MAP3K19: variants seen among roughly 807,000 people sequenced by gnomAD.
The protein encoded by MAP3K19 is mitogen-activated protein kinase kinase kinase 19.
Under a neutral mutation model 114.4 loss-of-function variants are expected in MAP3K19, and 91 were observed. The ratio of observed to expected loss-of-function variants is 0.80; its 90% CI spans 0.67 to 0.95. MAP3K19 has a LOEUF of 0.95. Ranked by LOEUF, MAP3K19 falls within the 40% of genes least tolerant of loss-of-function variation. MAP3K19 has a pLI of 0.00. For missense variants in MAP3K19, 1,471 were observed against 1,573.2 expected, an observed-to-expected ratio of 0.94 and a Z score of 1.10; for synonymous variants, 518 against 530.5, an observed-to-expected ratio of 0.98 and a Z score of 0.32.
rs58597332 is a variant in MAP3K19 at position 135,027,329 on chromosome 2, T to TAAAG, written c.-94-2592_-94-2589dup. 8.1e-4 allele frequency among the ~76,000 whole-genome samples: 80 copies of TAAAG among 98,740 alleles called. 1 individual carries two copies. Among genetic ancestry groups the TAAAG allele is most frequent in the Admixed American group, 1.8e-3 (18 of 9,904 alleles). 64.8% of individuals were successfully genotyped at this position (98,740 alleles called of 152,430 possible). ...GAGGGAAAAGAAAGAGACAGAGAAA[T>TAAAG]AAAGAAAGAAAGAAAGAAAGAGAGA... On this transcript the variant is annotated intron_variant, in intron 3 of 12. Transcript: ENST00000392915.
At chr2:135,037,578 C>T (rs920562112) in intron 2 of MAP3K19, among the ~76,000 whole-genome samples, 1 of 152,016 alleles carries the variant, frequency 6.6e-6, no homozygotes, top group African/African-American at 2.4e-5. Flanking sequence ...TGTTAGGAGG[C>T]ATGTCTCCAT....
Position 135,020,066 on chromosome 2 carries a change from G to A in MAP3K19, c.138+1649C>T, listed in dbSNP as rs551054277. On this transcript the variant is annotated intron_variant, in intron 5 of 12. Coordinates refer to ENST00000392915, the MANE Select transcript of MAP3K19 (RefSeq NM_025052.5). ...GAGTTTCGCTCTTATTGCCCAGGCTGGAGTGCAATGGCACAATCTTGGCTC... is the reference window on the plus strand; with the variant it reads ...GAGTTTCGCTCTTATTGCCCAGGCTAGAGTGCAATGGCACAATCTTGGCTC... Among the ~76,000 whole-genome samples the A allele has an allele frequency of 4.9e-3, 738 of 151,902 alleles. 3 individuals carry two copies. Among genetic ancestry groups the A allele is most frequent in the Non-Finnish European group, 7.6e-3 (520 of 67,988 alleles).
rs1408962620 is a variant in MAP3K19, at chr2:134,986,161, G to A, written c.2711C>T (p.Thr904Ile). Residue 904 changes from threonine (T) to isoleucine (I), a missense_variant, in exon 10 of 13, where the codon ACA (threonine) becomes ATA (isoleucine). Coordinates refer to ENST00000392915, the MANE Select transcript of MAP3K19 (RefSeq NM_025052.5). ...DSVSDHSKTL[T>I]NFSFQAKQES... ...TTGTTTTGCTTGGAAAGAGAAATTTGTAAGTGTTTTAGAGTGATCTGAAAC... is the reference window on the plus strand; with the variant it reads ...TTGTTTTGCTTGGAAAGAGAAATTTATAAGTGTTTTAGAGTGATCTGAAAC... 6.2e-7 allele frequency: 1 copy of A among 1,613,782 alleles called. No homozygotes were observed. The highest frequency in any genetic ancestry group is 8.5e-7 in the Non-Finnish European group (1 of 1,179,954).
At chr2:135,032,217 C>T (rs1195552469) in intron 2 of MAP3K19, among the ~76,000 whole-genome samples, 1 of 151,916 alleles carries the variant, frequency 6.6e-6, no homozygotes, top group Non-Finnish European at 1.5e-5. Context: ...ATTAGCCAGG[C>T]ACAGTGGCAG....
chr2:135,037,632 G>A (rs1688561570), intron 2 of MAP3K19, among the ~76,000 whole-genome samples: 1 of 152,150 alleles, frequency 6.6e-6, no homozygotes. Context: ...AAAGTGCCAA[G>A]TGTCTTTATT....
chr2:135,007,801 A>G (rs183760719), intron 5 of MAP3K19, among the ~76,000 whole-genome samples: 2 of 152,190 alleles, frequency 1.3e-5, no homozygotes, highest in East Asian at 3.9e-4. Flanking sequence ...TATCTGGCAA[A>G]TTCCTCCTCC....
Position 135,033,236 on chromosome 2 carries a change from C to T in MAP3K19, c.-283-2736G>A, listed in dbSNP as rs1392084897. 3.8e-5 allele frequency among the ~76,000 whole-genome samples: 4 copies of T among 104,360 alleles called. 1 individual carries two copies. Among genetic ancestry groups the T allele is most frequent in the Admixed American group, 9.6e-5 (1 of 10,450 alleles). 68.5% of individuals were successfully genotyped at this position (104,360 alleles called of 152,430 possible). A position where few individuals can be genotyped will look rare whatever the true frequency, so the allele number is the denominator to read the frequency against. ...CTCCCAGACGAGGCGGCTGGCCGGG[C>T]GGGGGGCTGACCCCCCCACCTCCCT... is the stretch of plus-strand genomic sequence containing the variant. On this transcript the variant is annotated intron_variant, in intron 2 of 12. Coordinates refer to ENST00000392915, the MANE Select transcript of MAP3K19 (RefSeq NM_025052.5).
chr2:134,983,964 T>G, intron 10 of MAP3K19, 139 bp from the exon 11 acceptor site: 2 of 566,970 alleles, frequency 3.5e-6, no homozygotes, highest in Non-Finnish European at 3.1e-6. Flanking sequence ...GACACATCAT[T>G]CCCCCAAATG....
rs778477891 is a variant in MAP3K19, at chr2:134,981,123, G to A, written c.3618C>T (p.Gly1206=). The A allele has an allele frequency of 3.1e-6, 5 of 1,614,134 alleles. No homozygotes were observed. Among genetic ancestry groups the A allele is most frequent in the East Asian group, 2.2e-5 (1 of 44,894 alleles). ...CTGCCCAGGCCAAACGCCTGGCACA[G>A]CCAAAGTCAATCAGCTTTATTATTC... ...PTGIIKLIDF[G]CARRLAWAGL... is the part of the protein sequence containing the mutation. Residue 1206 remains glycine (G), a synonymous_variant, in exon 12 of 13, where the codon GGC becomes GGT. Transcript: ENST00000392915.
chr2:134,991,619 T>C, intron 8 of MAP3K19, 39 bp from the exon 9 acceptor site: 1 of 1,556,042 alleles, frequency 6.4e-7, no homozygotes, highest in Non-Finnish European at 8.9e-7. Flanking sequence ...TTCTTAGTAG[T>C]AGAAAGAAAA....
intron 4 of MAP3K19, among the ~76,000 whole-genome samples, chr2:135,023,928 C>T (rs1688147923): frequency 6.6e-6 from 1 of 152,074 alleles, no homozygotes; most frequent in Admixed American, 6.6e-5. Flanking sequence ...TTCAGCCTGA[C>T]ATCTAAGGCT....
chr2:135,011,388 T>C (rs1307119511), intron 5 of MAP3K19, among the ~76,000 whole-genome samples: 1 of 151,686 alleles, frequency 6.6e-6, no homozygotes, highest in Non-Finnish European at 1.5e-5. Context: ...ATACAAAAAA[T>C]TAGCCAGGCG....
intron 5 of MAP3K19, among the ~76,000 whole-genome samples, chr2:135,019,125 T>C (rs936401599): frequency 6.6e-6 from 1 of 151,754 alleles, no homozygotes; most frequent in Non-Finnish European, 1.5e-5. Flanking sequence ...TGACTCTAAA[T>C]GTAAAATGTG....
chr2:135,020,604 T>C (rs754399126), intron 5 of MAP3K19, among the ~76,000 whole-genome samples: 4 of 152,220 alleles, frequency 2.6e-5, no homozygotes, highest in Non-Finnish European at 5.9e-5. Flanking sequence ...GTGATATGAT[T>C]TGGCTCTGTG....
chr2:135,000,317 AACG>A (rs1437168587), intron 6 of MAP3K19, among the ~76,000 whole-genome samples: 2 of 152,226 alleles, frequency 1.3e-5, no homozygotes, highest in Non-Finnish European at 2.9e-5. Context: ...TATAAAGTGT[AACG>A]ACACCTATCT....
At chr2:135,036,967 T>G (rs1288996139) in intron 2 of MAP3K19, among the ~76,000 whole-genome samples, 2 of 151,224 alleles carry the variant, frequency 1.3e-5, no homozygotes, top group Admixed American at 6.6e-5. Flanking sequence ...GGTAAGTAAG[T>G]AGAGGCAGTG....
In MAP3K19 at chr2:134,985,114, G is replaced by A. The variant is rs189308858; in HGVS notation, c.3072+686C>T. Among the ~76,000 whole-genome samples, 6 of 152,290 alleles carry A rather than the reference G, an allele frequency of 3.9e-5. 1 individual carries two copies. Among genetic ancestry groups the A allele is most frequent in the South Asian group, 4.1e-4 (2 of 4,828 alleles). On this transcript the variant is annotated intron_variant, in intron 10 of 12. Coordinates refer to ENST00000392915, the MANE Select transcript of MAP3K19 (RefSeq NM_025052.5). ...GTGAAAACGATAACAAAGAAAACCC[G>A]ACTATGTGTTGATCTTCTTCCCCAC...
chr2:134,998,248 C>T (rs945051462), intron 8 of MAP3K19, among the ~76,000 whole-genome samples: 1 of 152,158 alleles, frequency 6.6e-6, no homozygotes, highest in African/African-American at 2.4e-5. Flanking sequence ...TGGCCAAAAG[C>T]ATCCACAGCG....
At chr2:135,042,675 C>G (rs1688670447) in intron 1 of MAP3K19, among the ~76,000 whole-genome samples, 1 of 152,058 alleles carries the variant, frequency 6.6e-6, no homozygotes, top group South Asian at 2.1e-4. Context: ...TGGGAATTTA[C>G]CCTGGATTCC....
Sources: gnomAD v4.1 joint callset for allele counts (sites outside exome capture counted in the v4.1 genomes callset) on GRCh38, gnomAD v4.1.1 for gene constraint, MANE v1.5 for transcripts, NCBI Gene and HGNC (gene_info 2026-07-23, HGNC 2026-07-21) for gene names.